The following LHFPL3 variants were observed in gnomAD, a reference collection of about 807,000 sequenced individuals.
LHFPL3 encodes LHFPL tetraspan subfamily member 3 protein.
LHFPL3 carries 5 observed loss-of-function variants against 19.3 expected under a neutral mutation model. That is an observed-to-expected ratio of 0.26 (90% confidence interval 0.14 to 0.54). The LOEUF is 0.54. LHFPL3 is among the 20% of genes least tolerant of loss of function. The pLI, the probability that LHFPL3 is intolerant of heterozygous loss-of-function variation, is 0.94. For missense variants in LHFPL3, 249 were observed against 307.4 expected, an observed-to-expected ratio of 0.81 and a Z score of 1.42; for synonymous variants, 133 against 126.2, an observed-to-expected ratio of 1.05 and a Z score of -0.36.
intron 1 of LHFPL3, among the ~76,000 whole-genome samples, chr7:104,456,417 C>G (rs1204609238): frequency 6.6e-6 from 1 of 152,136 alleles, no homozygotes; most frequent in African/African-American, 2.4e-5. Flanking sequence ...TCAGTGATTC[C>G]AAAACACAGC....
Position 104,865,194 on chromosome 7 carries a change from C to A in LHFPL3, c.683-40993C>A, listed in dbSNP as rs968688702. 9.9e-5 allele frequency among the ~76,000 whole-genome samples: 15 copies of A among 152,180 alleles called. 1 individual carries two copies. Among genetic ancestry groups the A allele is most frequent in the Admixed American group, 3.3e-4 (5 of 15,290 alleles). ...TCTCCTCCTCCAAAGGAATGCAGCTCCTCACCAGCAACAGAACAAAGCTGG... is the reference window on the plus strand; with the variant it reads ...TCTCCTCCTCCAAAGGAATGCAGCTACTCACCAGCAACAGAACAAAGCTGG... On this transcript the variant is annotated intron_variant, in intron 2 of 2. Coordinates refer to ENST00000424859, the MANE Select transcript of LHFPL3 (RefSeq NM_199000.3).
rs1400857284 is a variant in LHFPL3, at chr7:104,668,717, T to C, written c.446-67958T>C. ...ATGATTATAGGCGTGATGATAGAGG[T>C]CCCCCCCCCCCCAAAGACCCAAACT... On this transcript the variant is annotated intron_variant, in intron 1 of 2. Coordinates refer to ENST00000424859, the MANE Select transcript of LHFPL3 (RefSeq NM_199000.3). 218 of 1,452,188 alleles carry C rather than the reference T, an allele frequency of 1.5e-4. No individual in the cohort carries two copies. In the African/African-American group the frequency reaches 2.6e-3, roughly 17 times the overall value. 90.0% of individuals were successfully genotyped at this position (1,452,188 alleles called of 1,614,324 possible). A position where few individuals can be genotyped will look rare whatever the true frequency, so the allele number is the denominator to read the frequency against.
At chr7:104,800,701 T>C (rs1790227951) in intron 2 of LHFPL3, among the ~76,000 whole-genome samples, 1 of 152,168 alleles carries the variant, frequency 6.6e-6, no homozygotes. Flanking sequence ...ACCACCTCTT[T>C]GAGTATTTCT....
chr7:104,774,135 C>G (rs747587010), intron 2 of LHFPL3, among the ~76,000 whole-genome samples: 29 of 152,196 alleles, frequency 1.9e-4, no homozygotes, highest in Admixed American at 3.3e-4. Flanking sequence ...CATTTGGAAT[C>G]TGGCAAAGAA....
At chr7:104,622,923 G>C (rs534045579) in intron 1 of LHFPL3, 10 of 260,832 alleles carry the variant, frequency 3.8e-5, no homozygotes, top group Non-Finnish European at 6.4e-5. Flanking sequence ...TACATTCCCA[G>C]CAGCAGTGAA....
At chr7:104,443,863 G>T (rs1483742773) in intron 1 of LHFPL3, among the ~76,000 whole-genome samples, 1 of 152,218 alleles carries the variant, frequency 6.6e-6, no homozygotes, top group Non-Finnish European at 1.5e-5. Context: ...AGAGTGAAGA[G>T]GAGCATGCAG....
chr7:104,643,205 G>C (rs1791868420), intron 1 of LHFPL3, among the ~76,000 whole-genome samples: 1 of 152,076 alleles, frequency 6.6e-6, no homozygotes, highest in African/African-American at 2.4e-5. Context: ...AGGCCTTCTG[G>C]TTTCATTTCC....
chr7:104,382,026 A>T (rs765389275), intron 1 of LHFPL3, among the ~76,000 whole-genome samples: 1 of 152,294 alleles, frequency 6.6e-6, no homozygotes, highest in Non-Finnish European at 1.5e-5. Flanking sequence ...GTGTGCCCTT[A>T]ACACTCCATT....
At chr7:104,805,418 A>G (rs1049858209) in intron 2 of LHFPL3, among the ~76,000 whole-genome samples, 4 of 152,184 alleles carry the variant, frequency 2.6e-5, no homozygotes, top group Admixed American at 1.3e-4. Flanking sequence ...GGCCAATGAC[A>G]ACTATCTGTA....
chr7:104,889,875 A>G (rs1792212298), intron 2 of LHFPL3, among the ~76,000 whole-genome samples: 1 of 152,238 alleles, frequency 6.6e-6, no homozygotes. Context: ...TCAAGCTGCT[A>G]CACTCTGCCT....
chr7:104,762,358 A>G (rs1451073724), intron 2 of LHFPL3, among the ~76,000 whole-genome samples: 2 of 152,218 alleles, frequency 1.3e-5, no homozygotes, highest in Non-Finnish European at 2.9e-5. Context: ...TGTCATGACC[A>G]ATGAAAGGGT....
intron 2 of LHFPL3, among the ~76,000 whole-genome samples, chr7:104,870,565 A>C (rs1037412663): frequency 1.3e-5 from 2 of 152,190 alleles, no homozygotes; most frequent in Non-Finnish European, 2.9e-5. Context: ...AAGTCCAAGA[A>C]AGTTTCACGA....
At chr7:104,413,415 A>G (rs973321006) in intron 1 of LHFPL3, among the ~76,000 whole-genome samples, 1 of 152,206 alleles carries the variant, frequency 6.6e-6, no homozygotes, top group African/African-American at 2.4e-5. Context: ...GCCAAGACTT[A>G]TAAAGCATTT....
At chr7:104,594,462 C>G (rs1336982958) in intron 1 of LHFPL3, among the ~76,000 whole-genome samples, 2 of 152,126 alleles carry the variant, frequency 1.3e-5, no homozygotes, top group Non-Finnish European at 2.9e-5. Flanking sequence ...CTCTGGCTGC[C>G]CTTAACACTT....
intron 1 of LHFPL3, among the ~76,000 whole-genome samples, chr7:104,646,356 C>T (rs188622299): frequency 1.3e-5 from 2 of 152,146 alleles, no homozygotes; most frequent in South Asian, 2.1e-4. Context: ...ACGCCCTAAT[C>T]GCTATTAACA....
chr7:104,884,896 G>T (rs922926125), intron 2 of LHFPL3, among the ~76,000 whole-genome samples: 14 of 152,180 alleles, frequency 9.2e-5, no homozygotes, highest in African/African-American at 2.9e-4. Context: ...GACACCAATT[G>T]GTGGAGAGAA....
At chr7:104,359,783 G>A (rs1194199301) in intron 1 of LHFPL3, among the ~76,000 whole-genome samples, 25 of 152,270 alleles carry the variant, frequency 1.6e-4, no homozygotes, top group Admixed American at 1.6e-3. Flanking sequence ...CCAGCACAGT[G>A]TTCTAATTGC....
intron 1 of LHFPL3, among the ~76,000 whole-genome samples, chr7:104,357,643 A>G (rs1198244211): frequency 6.6e-6 from 1 of 152,226 alleles, no homozygotes; most frequent in Non-Finnish European, 1.5e-5. Context: ...GGCTTATACA[A>G]TAGTGAAGAC....
chr7:104,854,168 A>G (rs139072338), intron 2 of LHFPL3, among the ~76,000 whole-genome samples: 53 of 152,340 alleles, frequency 3.5e-4, no homozygotes, highest in South Asian at 1.0e-3. Flanking sequence ...AGGTGGCTTT[A>G]AGTTCAGGCT....
Sources: gnomAD v4.1 joint callset for allele counts (sites outside exome capture counted in the v4.1 genomes callset) on GRCh38, gnomAD v4.1.1 for gene constraint, MANE v1.5 for transcripts, NCBI Gene and HGNC (gene_info 2026-07-23, HGNC 2026-07-21) for gene names.